NOX3: variants seen among roughly 807,000 people sequenced by gnomAD.
The protein encoded by NOX3 is NADPH oxidase 3.
In NOX3, 74 loss-of-function variants were observed where a neutral mutation model predicts 76.7. The ratio of observed to expected loss-of-function variants is 0.96; its 90% CI spans 0.80 to 1.17. The LOEUF (loss-of-function observed/expected upper bound fraction) is 1.17. Among genes scored for constraint, NOX3 ranks in the 50% most tolerant of loss-of-function variants. The probability of loss-of-function intolerance (pLI) is 0.00; values close to 1 mark genes in which losing one functional copy is unlikely to be tolerated. For missense variants in NOX3, 695 were observed against 703.3 expected (o/e 0.99, Z 0.13); for synonymous variants, 263 against 261.1 (o/e 1.01, Z -0.07).
At chr6:155,403,035 C>T (rs913724887) in intron 12 of NOX3, among the ~76,000 whole-genome samples, 1 of 152,166 alleles carries the variant, frequency 6.6e-6, no homozygotes, top group Non-Finnish European at 1.5e-5. Context: ...TCTTTAATAA[C>T]CATCCCGAGG....
At chr6:155,428,741 T>C (rs1251132225) in intron 9 of NOX3, 53 bp downstream of exon 9, 3 of 1,441,748 alleles carry the variant, frequency 2.1e-6, no homozygotes, top group Non-Finnish European at 2.8e-6. Flanking sequence ...TACATTAAGA[T>C]ACCTTACTTT....
Position 155,428,863 on chromosome 6 carries a change from C to G in NOX3, c.1076G>C (p.Trp359Ser). 1 of 1,610,572 alleles carries G rather than the reference C, an allele frequency of 6.2e-7. No homozygotes were observed. Among genetic ancestry groups the G allele is most frequent in the Non-Finnish European group, 8.5e-7 (1 of 1,177,698 alleles). ...FSVHIRAAGDWTAALLEAFGA... is the reference protein window; with the variant it reads ...FSVHIRAAGDSTAALLEAFGA... ...AAAGGCCTCCAGTAGCGCTGCTGTC[C>G]AGTCTCCTGCTGCCCGGATGTGCAC... Residue 359 changes from tryptophan (W) to serine (S), a missense_variant, in exon 9 of 14, where the codon TGG (tryptophan) becomes TCG (serine). Physicochemically the swap from Trp to Ser is radical, Grantham distance 177. Coordinates refer to ENST00000159060, the MANE Select transcript of NOX3 (RefSeq NM_015718.3).
rs1339672320 is a variant in NOX3 at position 155,396,934 on chromosome 6, G to A, written c.1609C>T (p.Pro537Ser). 6.2e-7 allele frequency: 1 copy of A among 1,613,044 alleles called. No homozygotes were observed. Among genetic ancestry groups the A allele is most frequent in the Non-Finnish European group, 8.5e-7 (1 of 1,179,372 alleles). ...TGAAGTGTCCTCGAGAGAGCTTTAGGTCCACAGAAGAACACGCCAATACTG... is the reference window on the plus strand; with the variant it reads ...TGAAGTGTCCTCGAGAGAGCTTTAGATCCACAGAAGAACACGCCAATACTG... ...SSSIGVFFCG[P>S]KALSRTLQKM... The change falls in exon 13 of 14, where the codon CCT (proline) becomes TCT (serine). Residue 537 changes from proline to serine, a missense_variant. By Grantham distance (74) the Pro-to-Ser change is moderately conservative (BLOSUM62 -1). Coordinates refer to ENST00000159060, the MANE Select transcript of NOX3 (RefSeq NM_015718.3).
intron 12 of NOX3, among the ~76,000 whole-genome samples, chr6:155,402,020 G>A (rs148810734): frequency 4.4e-3 from 664 of 152,226 alleles, no homozygotes; most frequent in Non-Finnish European, 7.4e-3. Context: ...TCCGTACAAT[G>A]TGTGTTTATC....
rs768202967 is a variant in NOX3 at position 155,422,876 on chromosome 6, C to A, written c.1146-20G>T. 1.9e-6 allele frequency: 3 copies of A among 1,613,326 alleles called. No homozygotes were observed. Among genetic ancestry groups the A allele is most frequent in the Admixed American group, 1.7e-5 (1 of 59,972 alleles). On this transcript the variant is annotated intron_variant, in intron 9 of 13. Coordinates refer to ENST00000159060, the MANE Select transcript of NOX3 (RefSeq NM_015718.3). ...GCCAGCCTGGAATCATAGAGGAATG[C>A]AGCCTATTTGACCTTCAGAACACCT...
At chr6:155,445,972 A>ATGC (rs1374800605) in intron 4 of NOX3, among the ~76,000 whole-genome samples, 2 of 88,322 alleles carry the variant, frequency 2.3e-5, no homozygotes, top group African/African-American at 9.2e-5. Flanking sequence ...TATATATAAT[A>ATGC]TATATATGCT....
chr6:155,416,437 TAAG>T (rs1198467618), intron 10 of NOX3, among the ~76,000 whole-genome samples: 3 of 152,194 alleles, frequency 2.0e-5, no homozygotes, highest in Non-Finnish European at 4.4e-5. Context: ...CAATAGCAAA[TAAG>T]AAGAAATAAA....
At chr6:155,401,173 C>T (rs1470432745) in intron 12 of NOX3, among the ~76,000 whole-genome samples, 1 of 152,164 alleles carries the variant, frequency 6.6e-6, no homozygotes, top group Non-Finnish European at 1.5e-5. Flanking sequence ...CCACCCTGTA[C>T]TCACCCATCT....
Position 155,431,060 on chromosome 6 carries a change from G to A in NOX3, c.799-125C>T, listed in dbSNP as rs1052524360. 8.2e-6 allele frequency: 5 copies of A among 611,416 alleles called. No individual in the cohort carries two copies. In the East Asian group the frequency reaches 1.1e-4, roughly 13 times the overall value. 37.9% of individuals were successfully genotyped at this position (611,416 alleles called of 1,614,324 possible). A position where few individuals can be genotyped will look rare whatever the true frequency, so the allele number is the denominator to read the frequency against. ...ATATTTTTCCTTTAACTTTGGGCCA[G>A]TTATCAGCAACAAAGATGTCTCCTT... On this transcript the variant is annotated intron_variant, in intron 7 of 13. Coordinates refer to ENST00000159060, the MANE Select transcript of NOX3 (RefSeq NM_015718.3).
chr6:155,405,147 G>C (rs980971931), intron 12 of NOX3, among the ~76,000 whole-genome samples: 1 of 152,142 alleles, frequency 6.6e-6, no homozygotes, highest in Non-Finnish European at 1.5e-5. Context: ...GGAAGCCCAC[G>C]AGGCAGAAAT....
chr6:155,445,910 G>A (rs1329259774), intron 4 of NOX3, among the ~76,000 whole-genome samples: 1 of 137,432 alleles, frequency 7.3e-6, no homozygotes, highest in Non-Finnish European at 1.5e-5. Flanking sequence ...TTATATATAT[G>A]CTATAGATAT....
intron 10 of NOX3, among the ~76,000 whole-genome samples, chr6:155,421,444 C>G (rs757808360): frequency 2.7e-5 from 4 of 148,702 alleles, no homozygotes; most frequent in Admixed American, 2.7e-4. Flanking sequence ...GATCTTCTAG[C>G]CCTCATTGCC....
chr6:155,455,152 C>T lies in NOX3; in HGVS notation c.49-23G>A, dbSNP rs372871060. 8.0e-5 allele frequency: 117 copies of T among 1,465,636 alleles called. No homozygotes were observed. The Admixed American group carries it at 1.1e-3, about 14-fold the overall frequency. 90.8% of individuals were successfully genotyped at this position (1,465,636 alleles called of 1,614,324 possible). A position where few individuals can be genotyped will look rare whatever the true frequency, so the allele number is the denominator to read the frequency against. Reference sequence around the variant, plus strand: ...GAGCTAGAGTAGAAAGGAAAGAGAACCAATGATTACTACCTTCAAGCTTTT... The same window carrying T: ...GAGCTAGAGTAGAAAGGAAAGAGAATCAATGATTACTACCTTCAAGCTTTT... On this transcript the variant is annotated intron_variant, in intron 1 of 13. Coordinates refer to ENST00000159060, the MANE Select transcript of NOX3 (RefSeq NM_015718.3).
intron 4 of NOX3, among the ~76,000 whole-genome samples, chr6:155,447,570 C>A (rs941483867): frequency 2.6e-5 from 4 of 152,204 alleles, no homozygotes; most frequent in Non-Finnish European, 4.4e-5. Flanking sequence ...CAAGAGGCAG[C>A]TTCTGAGGGA....
At chr6:155,431,889 C>T (rs1467603641) in intron 7 of NOX3, among the ~76,000 whole-genome samples, 2 of 152,212 alleles carry the variant, frequency 1.3e-5, no homozygotes, top group South Asian at 2.1e-4. Context: ...GAGTTCTTAC[C>T]AGGACCCCAG....
intron 4 of NOX3, among the ~76,000 whole-genome samples, chr6:155,445,874 ATATATATATATGCTATATATATATAT>A (rs1562471978): frequency 1.3e-4 from 16 of 120,488 alleles, no homozygotes; most frequent in South Asian, 9.9e-4. Context: ...ATATACATAT[ATATATATATATGCTATATATATATAT>A]TATATATATG....
At position 155,444,844 on chromosome 6, in the gene NOX3, A is replaced by G. The variant is rs569339543; in HGVS notation, c.341-1426T>C. Among the ~76,000 whole-genome samples, 3 of 152,314 alleles carry G rather than the reference A, an allele frequency of 2.0e-5. No individual in the cohort carries two copies. In the South Asian group the frequency reaches 6.2e-4, roughly 32 times the overall value. ...ATGTATACCCCGCAGACAAGGAGGG[A>G]CTACTCTATATGTATATATACCCCT... On this transcript the variant is annotated intron_variant, in intron 4 of 13. Coordinates refer to ENST00000159060, the MANE Select transcript of NOX3 (RefSeq NM_015718.3).
intron 4 of NOX3, among the ~76,000 whole-genome samples, chr6:155,451,871 AC>A (rs1311083579): frequency 6.6e-6 from 1 of 151,910 alleles, no homozygotes; most frequent in Non-Finnish European, 1.5e-5. Flanking sequence ...CAAGCAATTC[AC>A]CTGCCTCAGC....
chr6:155,454,255 T>C (rs1777182794), intron 3 of NOX3, among the ~76,000 whole-genome samples: 1 of 152,190 alleles, frequency 6.6e-6, no homozygotes, highest in African/African-American at 2.4e-5. Flanking sequence ...GAGGGATGCC[T>C]GCATAATACA....
Sources: gnomAD v4.1 joint callset for allele counts (sites outside exome capture counted in the v4.1 genomes callset) on GRCh38, gnomAD v4.1.1 for gene constraint, MANE v1.5 for transcripts, NCBI Gene and HGNC (gene_info 2026-07-23, HGNC 2026-07-21) for gene names.